The following RAPGEF5 variants were observed in gnomAD, a reference collection of about 807,000 sequenced individuals.
RAPGEF5 encodes the protein Rap guanine nucleotide exchange factor 5.
In RAPGEF5, 65 loss-of-function variants were observed where a neutral mutation model predicts 125.2. That is an observed-to-expected ratio of 0.52 (90% CI 0.43 to 0.64). RAPGEF5 has a LOEUF of 0.64. Among genes scored for constraint, RAPGEF5 ranks in the 30% least tolerant of loss-of-function variants. The pLI is 0.00. For missense variants in RAPGEF5, 958 were observed against 1,048.1 expected (o/e 0.91, Z 1.19); for synonymous variants, 391 against 385.9 (o/e 1.01, Z -0.16).
intron 5 of RAPGEF5, 92 bp from the exon 6 acceptor site, chr7:22,291,333 T>C: frequency 1.4e-6 from 2 of 1,447,568 alleles, no homozygotes; most frequent in East Asian, 2.5e-5. Context: ...AATAATGTCA[T>C]TGTTATTATA....
At position 22,122,340 on chromosome 7, in the gene RAPGEF5, G is replaced by A. The variant is rs768040520; in HGVS notation, c.*66C>T. On this transcript the variant is annotated 3_prime_UTR_variant, in exon 26 of 26. Coordinates refer to ENST00000665637, the MANE Select transcript of RAPGEF5 (RefSeq NM_012294.5). The stretch of plus-strand genomic sequence containing the variant: ...ACTTCTTTTCTCACAGGAAAGCAAC[G>A]TGCTTGGCATAGACATTCCCGTAGC... 1.1e-4 allele frequency: 148 copies of A among 1,315,004 alleles called. 1 individual carries two copies. Among genetic ancestry groups the A allele is most frequent in the Admixed American group, 9.1e-4 (52 of 56,862 alleles). 81.5% of individuals were successfully genotyped at this position (1,315,004 alleles called of 1,614,324 possible). A position where few individuals can be genotyped will look rare whatever the true frequency, so the allele number is the denominator to read the frequency against.
chr7:22,145,967 CGTGTGTGTGTGT>C (rs71864981), intron 19 of RAPGEF5, among the ~76,000 whole-genome samples: 170 of 143,970 alleles, frequency 1.2e-3, no homozygotes, highest in Non-Finnish European at 2.1e-3. Flanking sequence ...TGTTTGTGTG[CGTGTGTGTGTGT>C]GTGTGTGTGT....
chr7:22,301,516 G>A (rs1371669474), intron 5 of RAPGEF5, among the ~76,000 whole-genome samples: 2 of 151,468 alleles, frequency 1.3e-5, no homozygotes, highest in African/African-American at 4.9e-5. Context: ...TTGAGAGGCT[G>A]CGGCAGGAGA....
chr7:22,193,055 T>C (rs767465983), intron 11 of RAPGEF5: 1 of 436,778 alleles, frequency 2.3e-6, no homozygotes, highest in Non-Finnish European at 4.1e-6. Context: ...CCATTGAACA[T>C]GGGCTATTGA....
At chr7:22,337,441 C>T (rs955146124) in intron 1 of RAPGEF5, among the ~76,000 whole-genome samples, 1 of 152,190 alleles carries the variant, frequency 6.6e-6, no homozygotes, top group African/African-American at 2.4e-5. Flanking sequence ...AGTTGCAAAT[C>T]TTGTGACCTC....
intron 11 of RAPGEF5, among the ~76,000 whole-genome samples, chr7:22,185,453 T>C (rs1481316421): frequency 6.6e-6 from 1 of 152,242 alleles, no homozygotes; most frequent in Admixed American, 6.5e-5. Context: ...ATCTCATCAC[T>C]TTGTCAACAC....
chr7:22,291,293 T>A, intron 5 of RAPGEF5, 52 bp from the exon 6 acceptor site: 2 of 1,499,694 alleles, frequency 1.3e-6, no homozygotes, highest in Non-Finnish European at 1.8e-6. Flanking sequence ...TGCTCAAATT[T>A]ATCTACCAAG....
At chr7:22,152,687 C>A (rs150862572) in intron 17 of RAPGEF5, among the ~76,000 whole-genome samples, 4 of 151,970 alleles carry the variant, frequency 2.6e-5, no homozygotes, top group Admixed American at 2.0e-4. Context: ...TTGACAAAAA[C>A]AAAGAAAAAA....
intron 9 of RAPGEF5, among the ~76,000 whole-genome samples, chr7:22,200,464 C>T (rs1425153842): frequency 6.6e-5 from 10 of 152,172 alleles, no homozygotes; most frequent in African/African-American, 2.2e-4. Context: ...GTACACGATA[C>T]TCTGGCAGAA....
intron 9 of RAPGEF5, among the ~76,000 whole-genome samples, chr7:22,203,936 A>G (rs1044622798): frequency 6.6e-6 from 1 of 152,204 alleles, no homozygotes; most frequent in Non-Finnish European, 1.5e-5. Flanking sequence ...GTAGAAGAAG[A>G]AAGGGAAAAA....
At position 22,261,849 on chromosome 7, in the gene RAPGEF5, G is replaced by A. The variant is rs576995883; in HGVS notation, c.796+5115C>T. ...GTGCTGAGGTGACTGAACATTCATAGGCCAAAAAAAAAAAGAGAAACTTGA... is the reference window on the plus strand; with the variant it reads ...GTGCTGAGGTGACTGAACATTCATAAGCCAAAAAAAAAAAGAGAAACTTGA... On this transcript the variant is annotated intron_variant, in intron 7 of 25. Transcript: ENST00000665637. 6.8e-4 allele frequency among the ~76,000 whole-genome samples: 7 copies of A among 10,348 alleles called. No homozygotes were observed. The South Asian group carries it at 0.07, about 103-fold the overall frequency. 6.8% of individuals were successfully genotyped at this position (10,348 alleles called of 152,430 possible).
intron 24 of RAPGEF5, among the ~76,000 whole-genome samples, chr7:22,127,655 G>T (rs572569240): frequency 6.6e-6 from 1 of 152,110 alleles, no homozygotes; most frequent in Non-Finnish European, 1.5e-5. Context: ...TATTATTCAA[G>T]AATTAATATC....
intron 6 of RAPGEF5, among the ~76,000 whole-genome samples, chr7:22,276,081 A>C (rs1782548494): frequency 6.6e-6 from 1 of 152,222 alleles, no homozygotes. Context: ...CTGATAAATA[A>C]AAATTTGTAT....
intron 1 of RAPGEF5, among the ~76,000 whole-genome samples, chr7:22,347,665 G>A (rs1483511998): frequency 1.3e-5 from 2 of 152,080 alleles, no homozygotes; most frequent in East Asian, 3.8e-4. Flanking sequence ...GCCTTCTTGG[G>A]TTCAAATTTG....
intron 6 of RAPGEF5, among the ~76,000 whole-genome samples, chr7:22,288,653 G>A (rs1782856970): frequency 6.6e-6 from 1 of 151,724 alleles, no homozygotes; most frequent in Admixed American, 6.6e-5. Flanking sequence ...CTCCCGAGTA[G>A]CTGGGACTAC....
At chr7:22,197,377 G>C (rs960354146) in intron 9 of RAPGEF5, among the ~76,000 whole-genome samples, 2 of 152,172 alleles carry the variant, frequency 1.3e-5, no homozygotes, top group Non-Finnish European at 2.9e-5. Flanking sequence ...TTGACACTAC[G>C]ACACTCAAGA....
intron 12 of RAPGEF5, among the ~76,000 whole-genome samples, chr7:22,164,726 T>G (rs1213485380): frequency 6.6e-6 from 1 of 152,222 alleles, no homozygotes; most frequent in African/African-American, 2.4e-5. Flanking sequence ...GATTTATAAA[T>G]TTAGCTGCTG....
chr7:22,309,045 C>T (rs1428657883), intron 4 of RAPGEF5, among the ~76,000 whole-genome samples: 4 of 152,060 alleles, frequency 2.6e-5, no homozygotes, highest in Non-Finnish European at 4.4e-5. Context: ...CGGGACAGCC[C>T]GTCACAACAA....
At chr7:22,331,297 G>A (rs190197252) in intron 1 of RAPGEF5, among the ~76,000 whole-genome samples, 236 of 152,276 alleles carry the variant, frequency 1.5e-3, no homozygotes, top group African/African-American at 4.8e-3. Context: ...AGTTGTAGAT[G>A]GAACATAAAA....
Sources: allele counts gnomAD v4.1 joint callset (sites outside exome capture counted in the v4.1 genomes callset), GRCh38; gene constraint gnomAD v4.1.1; transcripts MANE v1.5; gene names NCBI Gene and HGNC (gene_info 2026-07-23, HGNC 2026-07-21).